EYS: variants seen among roughly 807,000 people sequenced by gnomAD.
EYS encodes the protein EGF-like photoreceptor maintenance factor.
In EYS, 250 loss-of-function variants were observed where a neutral mutation model predicts 282.1. The observed-to-expected ratio is 0.89, with a 90% CI of 0.80 to 0.98. The LOEUF (loss-of-function observed/expected upper bound fraction) is 0.98. EYS is among the 50% of genes least tolerant of loss of function. The pLI, the probability that EYS is intolerant of heterozygous loss-of-function variation, is 0.00. For missense variants in EYS, 4,016 were observed against 3,709.0 expected, an observed-to-expected ratio of 1.08 and a Z score of -2.15; for synonymous variants, 1,355 against 1,282.9, an observed-to-expected ratio of 1.06 and a Z score of -1.20.
intron 29 of EYS, among the ~76,000 whole-genome samples, chr6:64,338,821 A>G (rs1402789110): frequency 6.6e-6 from 1 of 152,026 alleles, no homozygotes; most frequent in Non-Finnish European, 1.5e-5. Flanking sequence ...CAACCCAGAA[A>G]TAAACTCAAA....
intron 1 of EYS, among the ~76,000 whole-genome samples, chr6:65,681,280 T>C (rs891921492): frequency 4.6e-5 from 7 of 152,004 alleles, no homozygotes; most frequent in African/African-American, 1.7e-4. Context: ...ACTGTCATCA[T>C]CTGTGGGGGC....
intron 7 of EYS, among the ~76,000 whole-genome samples, chr6:65,390,296 C>T (rs893970646): frequency 2.7e-5 from 4 of 149,380 alleles, no homozygotes; most frequent in African/African-American, 9.9e-5. Context: ...AAACTAGATG[C>T]TAAAACATTT....
intron 31 of EYS, among the ~76,000 whole-genome samples, chr6:64,224,369 A>T (rs1055795511): frequency 6.6e-6 from 1 of 151,944 alleles, no homozygotes; most frequent in Non-Finnish European, 1.5e-5. Context: ...CTGAAGTCCA[A>T]TTCTGGTCAT....
chr6:65,503,981 T>C (rs1766558584), intron 2 of EYS, among the ~76,000 whole-genome samples: 2 of 151,716 alleles, frequency 1.3e-5, no homozygotes, highest in Non-Finnish European at 3.0e-5. Context: ...GGTGCCAATT[T>C]TGGCAAAATA....
At chr6:64,582,419 G>C (rs1435600522) in intron 26 of EYS, among the ~76,000 whole-genome samples, 1 of 152,016 alleles carries the variant, frequency 6.6e-6, no homozygotes, top group Admixed American at 6.6e-5. Flanking sequence ...AGCCCCCCAT[G>C]GAAAAACTGT....
intron 2 of EYS, among the ~76,000 whole-genome samples, chr6:65,600,176 A>T (rs1765567843): frequency 6.6e-6 from 1 of 151,954 alleles, no homozygotes; most frequent in African/African-American, 2.4e-5. Flanking sequence ...CTGACTTCAT[A>T]CAGTTCTCCC....
intron 22 of EYS, among the ~76,000 whole-genome samples, chr6:64,778,625 C>A (rs1308554780): frequency 1.3e-5 from 2 of 152,080 alleles, no homozygotes; most frequent in South Asian, 2.1e-4. Flanking sequence ...ACTGGGATAA[C>A]ATATTTTCGA....
intron 2 of EYS, among the ~76,000 whole-genome samples, chr6:65,512,534 A>T (rs1269996739): frequency 6.6e-6 from 1 of 151,664 alleles, no homozygotes; most frequent in African/African-American, 2.4e-5. Context: ...AAGTAATTTT[A>T]ATTATAAAAA....
At chr6:64,843,294 G>A (rs777920336) in intron 19 of EYS, among the ~76,000 whole-genome samples, 39 of 152,248 alleles carry the variant, frequency 2.6e-4, no homozygotes, top group Non-Finnish European at 4.9e-4. Context: ...TGTGAGAAGA[G>A]GGCCACTGTC....
chr6:64,904,886 T>C (rs16895996), intron 16 of EYS, among the ~76,000 whole-genome samples: 8,550 of 152,176 alleles, frequency 0.056, 406 homozygotes, highest in African/African-American at 0.13. Flanking sequence ...GCAACATATG[T>C]CAATGGGTTG....
intron 22 of EYS, among the ~76,000 whole-genome samples, chr6:64,768,990 T>A (rs1297233945): frequency 6.6e-6 from 1 of 152,080 alleles, no homozygotes; most frequent in Non-Finnish European, 1.5e-5. Flanking sequence ...GTTGCTTCCT[T>A]GAGTCACCTT....
At chr6:64,537,979 A>G (rs116157054) in intron 26 of EYS, among the ~76,000 whole-genome samples, 1,756 of 152,330 alleles carry the variant, frequency 0.012, 43 homozygotes, top group African/African-American at 0.04. Context: ...TATTGGCTTT[A>G]GCTACATAAG....
At chr6:64,222,933 C>G (rs1006876338) in intron 31 of EYS, among the ~76,000 whole-genome samples, 2 of 151,732 alleles carry the variant, frequency 1.3e-5, no homozygotes, top group Admixed American at 6.6e-5. Flanking sequence ...TCGGTACTTA[C>G]AGTTTTCCTT....
At position 65,343,103 on chromosome 6, in the gene EYS, A is replaced by G. The variant is rs565940143; in HGVS notation, c.1599+935T>C. On this transcript the variant is annotated intron_variant, in intron 10 of 42. Coordinates refer to ENST00000503581, the MANE Select transcript of EYS (RefSeq NM_001142800.2). ...TCATATATTTATGACTTGTAAACATATATCAAAATATATTTTAGGGCATAC... is the reference window on the plus strand; with the variant it reads ...TCATATATTTATGACTTGTAAACATGTATCAAAATATATTTTAGGGCATAC... Among the ~76,000 whole-genome samples the G allele has an allele frequency of 3.3e-5, 5 of 151,372 alleles. No individual in the cohort carries two copies. In the South Asian group the frequency reaches 1.0e-3, roughly 31 times the overall value.
chr6:63,924,536 C>T (rs1301037014), intron 35 of EYS, among the ~76,000 whole-genome samples: 1 of 152,196 alleles, frequency 6.6e-6, no homozygotes, highest in East Asian at 1.9e-4. Context: ...CTAACAATTA[C>T]TTAATGGTGA....
intron 31 of EYS, among the ~76,000 whole-genome samples, chr6:64,100,103 T>C (rs1772775718): frequency 6.6e-6 from 1 of 151,898 alleles, no homozygotes. Flanking sequence ...TAGACTGATA[T>C]TTAGCTTCTC....
intron 35 of EYS, among the ~76,000 whole-genome samples, chr6:63,928,569 G>A (rs1010056737): frequency 1.1e-4 from 17 of 152,050 alleles, no homozygotes; most frequent in African/African-American, 4.1e-4. Flanking sequence ...CGCATGCGTA[G>A]GTGCTGAGGT....
At chr6:65,417,871 C>T (rs1398792276) in intron 5 of EYS, among the ~76,000 whole-genome samples, 2 of 151,940 alleles carry the variant, frequency 1.3e-5, no homozygotes, top group Admixed American at 6.6e-5. Flanking sequence ...AAATGCAATA[C>T]TGGATTTAAG....
intron 12 of EYS, among the ~76,000 whole-genome samples, chr6:65,102,224 G>A (rs1036128598): frequency 2.0e-5 from 3 of 151,202 alleles, no homozygotes; most frequent in Non-Finnish European, 4.4e-5. Context: ...TACCTTTAAT[G>A]ACTTTGAGAA....
Sources: gnomAD v4.1 joint callset for allele counts (sites outside exome capture counted in the v4.1 genomes callset) on GRCh38, gnomAD v4.1.1 for gene constraint, MANE v1.5 for transcripts, NCBI Gene and HGNC (gene_info 2026-07-23, HGNC 2026-07-21) for gene names.